DNAJC12: variants seen among roughly 807,000 people sequenced by gnomAD.
DNAJC12 encodes the protein DnaJ heat shock protein family (Hsp40) member C12.
Under a neutral mutation model 28.5 loss-of-function variants are expected in DNAJC12, and 25 were observed. That is an observed-to-expected ratio of 0.88 (90% CI 0.64 to 1.22). The LOEUF (loss-of-function observed/expected upper bound fraction) is 1.22. Ranked by LOEUF, DNAJC12 falls within the 50% of genes most tolerant of loss-of-function variation. The pLI is 0.00. For missense variants in DNAJC12, 222 were observed against 231.7 expected (o/e 0.96, Z 0.27); for synonymous variants, 77 against 80.6 (o/e 0.95, Z 0.24).
rs1291607466 is a variant in DNAJC12 at position 67,819,773 on chromosome 10, A to AGG, written c.157+3539_157+3540dup. ...AAGGAAGGAAGGAAGGAAGGAAGGAAGGAAGGGGAAGGAAGGAAGGAAGGA... is the reference window on the plus strand; with the variant it reads ...AAGGAAGGAAGGAAGGAAGGAAGGAAGGGGAAGGGGAAGGAAGGAAGGAAGGA... On this transcript the variant is annotated intron_variant, in intron 2 of 4. Coordinates refer to ENST00000225171, the MANE Select transcript of DNAJC12 (RefSeq NM_021800.3). Among the ~76,000 whole-genome samples, 234 of 25,184 alleles carry AGG rather than the reference A, an allele frequency of 9.3e-3. 8 individuals carry two copies. Among genetic ancestry groups the AGG allele is most frequent in the African/African-American group, 0.021 (136 of 6,486 alleles). The allele number at this position is 25,184 out of a possible 152,430, so 16.5% of individuals were successfully genotyped here.
intron 4 of DNAJC12, among the ~76,000 whole-genome samples, chr10:67,798,758 C>T (rs1276863640): frequency 1.5e-5 from 2 of 132,034 alleles, no homozygotes; most frequent in African/African-American, 5.8e-5. Context: ...TGTGATTTTC[C>T]TTTTTTTTTT....
At chr10:67,814,299 A>G (rs1841892232) in intron 2 of DNAJC12, among the ~76,000 whole-genome samples, 1 of 152,200 alleles carries the variant, frequency 6.6e-6, no homozygotes, top group African/African-American at 2.4e-5. Context: ...GGATAACTAA[A>G]TATCAATATA....
chr10:67,823,296 C>G lies in DNAJC12; in HGVS notation c.157+18G>C. On this transcript the variant is annotated intron_variant, in intron 2 of 4. Coordinates refer to ENST00000225171, the MANE Select transcript of DNAJC12 (RefSeq NM_021800.3). ...TACTACTCATTTTCTTGAGAAGTAG[C>G]CTTTATTAAGTTCTTACCAGCTTTG... is the stretch of plus-strand genomic sequence containing the variant. 4 of 1,609,478 alleles carry G rather than the reference C, an allele frequency of 2.5e-6. No individual in the cohort carries two copies. The highest frequency in any genetic ancestry group is 2.7e-5 in the African/African-American group (2 of 74,882).
chr10:67,807,493 TAA>T (rs74443346), intron 3 of DNAJC12, among the ~76,000 whole-genome samples: 3,422 of 148,310 alleles, frequency 0.023, 135 homozygotes, highest in African/African-American at 0.079. Flanking sequence ...CAGCTGGTAT[TAA>T]AAAAAAAAAT....
At chr10:67,834,077 C>T in intron 1 of DNAJC12, 2 of 458,646 alleles carry the variant, frequency 4.4e-6, no homozygotes, top group South Asian at 3.2e-5. Flanking sequence ...GAAGGTCAAG[C>T]TAAAAAATGA....
intron 1 of DNAJC12, among the ~76,000 whole-genome samples, chr10:67,825,987 T>G (rs1208861978): frequency 2.0e-5 from 3 of 152,176 alleles, no homozygotes; most frequent in Non-Finnish European, 4.4e-5. Flanking sequence ...GTAAGCATTT[T>G]TAAATTAGTA....
At chr10:67,825,462 G>A (rs564491892) in intron 1 of DNAJC12, 34 of 152,380 alleles carry the variant, frequency 2.2e-4, no homozygotes, top group Admixed American at 7.2e-4. Context: ...TCCCACTCCC[G>A]GCCATATTGA....
rs1373912935 is a variant in DNAJC12, at chr10:67,808,303, A to C, written c.298-2516T>G. Among the ~76,000 whole-genome samples, 4 of 152,306 alleles carry C rather than the reference A, an allele frequency of 2.6e-5. No individual in the cohort carries two copies. The East Asian group carries it at 7.7e-4, about 29-fold the overall frequency. ...AAAATGCACAAGACAGAAAATCTAT[A>C]TATGCATGGAAGGAACTAACGCTAA... On this transcript the variant is annotated intron_variant, in intron 3 of 4. Coordinates refer to ENST00000225171, the MANE Select transcript of DNAJC12 (RefSeq NM_021800.3).
intron 4 of DNAJC12, among the ~76,000 whole-genome samples, chr10:67,799,918 G>A (rs1841723791): frequency 3.4e-5 from 5 of 146,678 alleles, no homozygotes; most frequent in Admixed American, 2.8e-4. Context: ...GGTTCCCGTA[G>A]AAATAGACAT....
chr10:67,830,907 G>A (rs1842086880), intron 1 of DNAJC12, among the ~76,000 whole-genome samples: 1 of 152,028 alleles, frequency 6.6e-6, no homozygotes, highest in Non-Finnish European at 1.5e-5. Context: ...CATACACATA[G>A]GCCAGGTGTG....
At chr10:67,811,495 A>G in intron 3 of DNAJC12, 29 bp downstream of exon 3, 1 of 1,613,282 alleles carries the variant, frequency 6.2e-7, no homozygotes, top group South Asian at 1.1e-5. Flanking sequence ...AGCTTCACAA[A>G]TTCACGTCGC....
intron 4 of DNAJC12, among the ~76,000 whole-genome samples, chr10:67,800,926 A>C (rs554613239): frequency 2.0e-5 from 3 of 152,098 alleles, no homozygotes; most frequent in African/African-American, 7.2e-5. Flanking sequence ...CTGGGCAACA[A>C]AGCAAGATTC....
intron 1 of DNAJC12, among the ~76,000 whole-genome samples, chr10:67,829,312 A>C (rs534812637): frequency 6.6e-6 from 1 of 152,218 alleles, no homozygotes; most frequent in South Asian, 2.1e-4. Flanking sequence ...TCTCTAACCT[A>C]ACTCAGCCAG....
At chr10:67,814,017 A>G (rs998748702) in intron 2 of DNAJC12, among the ~76,000 whole-genome samples, 19 of 149,416 alleles carry the variant, frequency 1.3e-4, no homozygotes, top group Admixed American at 3.4e-4. Context: ...GTTTGCAAAT[A>G]CAAGGGACCC....
chr10:67,797,531 A>G (rs563774771), intron 4 of DNAJC12, among the ~76,000 whole-genome samples: 4 of 152,340 alleles, frequency 2.6e-5, no homozygotes, highest in African/African-American at 9.6e-5. Flanking sequence ...CAGTTTTCAA[A>G]AACCTTTCAA....
chr10:67,797,602 G>A (rs950024639), intron 4 of DNAJC12, among the ~76,000 whole-genome samples: 4 of 152,038 alleles, frequency 2.6e-5, no homozygotes, highest in Non-Finnish European at 5.9e-5. Flanking sequence ...TGAATTCCAT[G>A]GTAATAAGAT....
intron 2 of DNAJC12, among the ~76,000 whole-genome samples, chr10:67,816,374 T>C (rs1235142011): frequency 1.3e-5 from 2 of 151,866 alleles, no homozygotes; most frequent in African/African-American, 4.8e-5. Flanking sequence ...TTTTATTATA[T>C]GGGGAAAAAC....
chr10:67,826,199 A>G (rs992606129), intron 1 of DNAJC12, among the ~76,000 whole-genome samples: 1 of 148,904 alleles, frequency 6.7e-6, no homozygotes, highest in African/African-American at 2.5e-5. Flanking sequence ...CAGTGGTGCC[A>G]TCTCGGTTCA....
chr10:67,833,136 TAG>T (rs1842109714), intron 1 of DNAJC12, among the ~76,000 whole-genome samples: 1 of 152,178 alleles, frequency 6.6e-6, no homozygotes, highest in African/African-American at 2.4e-5. Flanking sequence ...GCTTGGATCC[TAG>T]AACAGAAAAA....
Sources: allele counts gnomAD v4.1 joint callset (sites outside exome capture counted in the v4.1 genomes callset), GRCh38; gene constraint gnomAD v4.1.1; transcripts MANE v1.5; gene names NCBI Gene and HGNC (gene_info 2026-07-23, HGNC 2026-07-21).